The following NRN1 variants were observed in gnomAD, a reference collection of about 807,000 sequenced individuals.
NRN1 encodes neuritin 1.
A neutral mutation model predicts 15.0 loss-of-function variants in NRN1; 4 were observed. That is an observed-to-expected ratio of 0.27 (90% CI 0.13 to 0.61). NRN1 has a LOEUF of 0.61. NRN1 is among the 20% of genes least tolerant of loss of function. NRN1 has a pLI of 0.87. For synonymous variants in NRN1, 85 were observed against 79.8 expected (o/e 1.07, Z -0.35); for missense variants, 134 against 181.9 (o/e 0.74, Z 1.51).
At chr6:6,007,068 T>A, upstream of NRN1, 1 of 328,106 alleles carries the variant, frequency 3.0e-6, no homozygotes, top group Non-Finnish European at 5.6e-6. Context: ...ACGGAATGAT[T>A]TTTTTTTTAA....
intron 2 of NRN1, among the ~76,000 whole-genome samples, 174 bp downstream of exon 2, chr6:6,002,179 G>C (rs1260968239): frequency 6.6e-6 from 1 of 152,224 alleles, no homozygotes; most frequent in Non-Finnish European, 1.5e-5. Context: ...GGAAGCGCAG[G>C]TTCTAACCCG....
rs878917166 is a variant in NRN1 at position 5,998,923 on chromosome 6, C to T, written c.*53G>A. 1.5e-5 allele frequency: 20 copies of T among 1,321,032 alleles called. No individual in the cohort carries two copies. The South Asian group carries it at 2.5e-4, about 16-fold the overall frequency. 81.8% of individuals were successfully genotyped at this position (1,321,032 alleles called of 1,614,324 possible). ...AACTAATGGATCTTCCTCTCGATTT[C>T]CGGGAGCATGGAGTGAGTGTGGGTG... On this transcript the variant is annotated 3_prime_UTR_variant, in exon 3 of 3. Transcript: ENST00000244766.
intron 1 of NRN1, 54 bp downstream of exon 1, chr6:6,006,641 C>T: frequency 3.2e-6 from 5 of 1,576,808 alleles, no homozygotes; most frequent in Non-Finnish European, 4.4e-6. Flanking sequence ...CGCCTCGGGC[C>T]GGGGCAGGCT....
At chr6:6,000,748 T>TTTTTTTTTTTTTTTTTTTTTTTTA (rs1554145373) in intron 2 of NRN1, among the ~76,000 whole-genome samples, 1 of 99,102 alleles carries the variant, frequency 1.0e-5, no homozygotes, top group Non-Finnish European at 2.0e-5. Flanking sequence ...TTTTTTTTTT[T>TTTTTTTTTTTTTTTTTTTTTTTTA]ATGTACGCCC....
chr6:5,999,185 T>C lies in NRN1; in HGVS notation c.220A>G (p.Ser74Gly). 1 of 1,613,870 alleles carries C rather than the reference T, an allele frequency of 6.2e-7. No individual in the cohort carries two copies. Among genetic ancestry groups the C allele is most frequent in the Admixed American group, 1.7e-5 (1 of 60,034 alleles). ...TVCTYWEDFH[S>G]CTVTALTDCQ... The stretch of plus-strand genomic sequence containing the variant: ...TCCGTAAGGGCTGTGACCGTGCAGC[T>C]GTGGAAATCCTCCCAGTATCTGGTG... Residue 74 changes from serine to glycine, a missense_variant, in exon 3 of 3, where the codon AGC (serine) becomes GGC (glycine). Ser to Gly is a moderately conservative substitution (Grantham distance 56). Transcript: ENST00000244766.
chr6:6,000,118 C>T (rs1229329652), intron 2 of NRN1, among the ~76,000 whole-genome samples: 2 of 152,218 alleles, frequency 1.3e-5, no homozygotes, highest in African/African-American at 2.4e-5. Flanking sequence ...CAGGATGTAG[C>T]GCCAGCCTCC....
intron 1 of NRN1, among the ~76,000 whole-genome samples, chr6:6,005,690 C>T (rs1273275382): frequency 6.6e-6 from 1 of 152,192 alleles, no homozygotes; most frequent in Non-Finnish European, 1.5e-5. Context: ...AATTCCGTTT[C>T]AGGAGTTTCT....
intron 1 of NRN1, chr6:6,003,591 G>A: frequency 1.8e-6 from 1 of 548,202 alleles, no homozygotes; most frequent in Non-Finnish European, 2.5e-6. Flanking sequence ...AGCGGCGGGA[G>A]GAGGAGGAGG....
intron 1 of NRN1, chr6:6,003,186 G>T: frequency 8.1e-7 from 1 of 1,234,288 alleles, no homozygotes; most frequent in Non-Finnish European, 1.0e-6. Flanking sequence ...TCTGTATTCC[G>T]AGTGAGACCC....
At chr6:6,003,711 G>T in intron 1 of NRN1, 2 of 1,234,374 alleles carry the variant, frequency 1.6e-6, no homozygotes, top group Non-Finnish European at 2.0e-6. Context: ...ACCAGGCTGC[G>T]GGCGCGCGGC....
intron 2 of NRN1, among the ~76,000 whole-genome samples, chr6:6,001,174 A>G (rs1757935479): frequency 6.6e-6 from 1 of 152,192 alleles, no homozygotes; most frequent in Non-Finnish European, 1.5e-5. Context: ...AGCAAAATTG[A>G]CACCATTTAA....
chr6:5,999,457 G>T (rs3749861), intron 2 of NRN1, among the ~76,000 whole-genome samples: 29 of 152,362 alleles, frequency 1.9e-4, no homozygotes, highest in Non-Finnish European at 2.9e-4. Context: ...TTCCCTTCCA[G>T]TTGCCGGGAG....
intron 2 of NRN1, 27 bp from the exon 3 acceptor site, chr6:5,999,231 C>A (rs3749860): frequency 3.1e-6 from 5 of 1,590,670 alleles, no homozygotes; most frequent in Admixed American, 3.3e-5. Context: ...CAAAACAGAA[C>A]AAGCAGGTTC....
intron 1 of NRN1, 182 bp from the exon 2 acceptor site, chr6:6,002,679 C>T: frequency 1.3e-6 from 1 of 747,502 alleles, no homozygotes; most frequent in Non-Finnish European, 2.1e-6. Context: ...AATGCCCGAC[C>T]TGCAGCTAAC....
intron 2 of NRN1, among the ~76,000 whole-genome samples, chr6:6,000,696 C>G (rs1477480047): frequency 2.7e-5 from 4 of 149,056 alleles, no homozygotes; most frequent in Non-Finnish European, 5.9e-5. Flanking sequence ...GTGGAATTGC[C>G]CCTGCTAAAG....
chr6:6,005,725 A>C (rs1263596012), intron 1 of NRN1, among the ~76,000 whole-genome samples: 1 of 152,166 alleles, frequency 6.6e-6, no homozygotes, highest in African/African-American at 2.4e-5. Context: ...TGTCCATTCT[A>C]TTAATAACCT....
At chr6:6,006,529 A>G (rs887215490) in intron 1 of NRN1, among the ~76,000 whole-genome samples, 166 bp downstream of exon 1, 9 of 152,204 alleles carry the variant, frequency 5.9e-5, no homozygotes, top group Non-Finnish European at 1.3e-4. Context: ...GGAAAAACCG[A>G]TCTGGGACGC....
chr6:6,003,613 C>T (rs1758027001), intron 1 of NRN1: 10 of 852,438 alleles, frequency 1.2e-5, no homozygotes, highest in Non-Finnish European at 1.6e-5. Flanking sequence ...GGAGGAAACA[C>T]AGGCCGCACG....
chr6:6,004,147 G>A, intron 1 of NRN1: 1 of 586,910 alleles, frequency 1.7e-6, no homozygotes, highest in Non-Finnish European at 2.2e-6. Context: ...AGGGACCGAG[G>A]TTAACTTCGA....
Sources: gnomAD v4.1 joint callset for allele counts (sites outside exome capture counted in the v4.1 genomes callset) on GRCh38, gnomAD v4.1.1 for gene constraint, MANE v1.5 for transcripts, NCBI Gene and HGNC (gene_info 2026-07-23, HGNC 2026-07-21) for gene names.